The following PSD3 variants were observed in gnomAD, a reference collection of about 807,000 sequenced individuals.
The protein encoded by PSD3 is pleckstrin and Sec7 domain containing 3, also known as PH and SEC7 domain-containing protein 3.
In PSD3, 49 loss-of-function variants were observed where a neutral mutation model predicts 105.5. That is an observed-to-expected ratio of 0.46 (90% confidence interval 0.37 to 0.59). The LOEUF (loss-of-function observed/expected upper bound fraction) is 0.59. Ranked by LOEUF, PSD3 falls within the 20% of genes least tolerant of loss-of-function variation. The probability of loss-of-function intolerance (pLI) is 0.00; values close to 1 mark genes in which losing one functional copy is unlikely to be tolerated. For missense variants in PSD3, 1,561 were observed against 1,263.8 expected (o/e 1.24, Z -3.57); for synonymous variants, 557 against 457.8 (o/e 1.22, Z -2.77).
chr8:19,031,626 G>C (rs533471550), intron 1 of PSD3, among the ~76,000 whole-genome samples: 3 of 152,060 alleles, frequency 2.0e-5, no homozygotes, highest in Non-Finnish European at 2.9e-5. Context: ...GGACTAAAAG[G>C]CTCTCTAATA....
chr8:18,835,021 G>A (rs1263588799), intron 4 of PSD3, among the ~76,000 whole-genome samples: 1 of 152,182 alleles, frequency 6.6e-6, no homozygotes, highest in South Asian at 2.1e-4. Flanking sequence ...TATTCAGATA[G>A]CTTTTTCAGC....
chr8:18,964,763 T>C (rs943374438), intron 1 of PSD3, among the ~76,000 whole-genome samples: 5 of 152,306 alleles, frequency 3.3e-5, no homozygotes, highest in East Asian at 3.9e-4. Context: ...GCCTCCTTTT[T>C]ACATCCAAGC....
In PSD3 at chr8:18,556,241, A is replaced by G. The variant is rs1801065560; in HGVS notation, c.2896T>C (p.Tyr966His). The change falls in exon 15 of 16, where the codon TAC becomes CAC. Residue 966 changes from tyrosine (Y) to histidine (H), a missense_variant. Coordinates refer to ENST00000327040, the MANE Select transcript of PSD3 (RefSeq NM_015310.4). The part of the protein sequence containing the change: ...KKVKAKDVDE[Y>H]KLKDHYLEFE... ...TCCAGATAGTGGTCTTTCAGTTTGT[A>G]CTCATCGACGTCCTTGGCTTTGACC... 6.2e-7 allele frequency: 1 copy of G among 1,614,048 alleles called. No homozygotes were observed. Among genetic ancestry groups the G allele is most frequent in the East Asian group, 2.2e-5 (1 of 44,878 alleles).
At chr8:18,651,204 G>C (rs1360219896) in intron 10 of PSD3, among the ~76,000 whole-genome samples, 1 of 152,174 alleles carries the variant, frequency 6.6e-6, no homozygotes, top group Non-Finnish European at 1.5e-5. Flanking sequence ...CACACTCCCA[G>C]GTAAGGCCCC....
At chr8:18,642,310 G>C (rs994652304) in intron 10 of PSD3, among the ~76,000 whole-genome samples, 2 of 151,988 alleles carry the variant, frequency 1.3e-5, no homozygotes, top group African/African-American at 4.8e-5. Flanking sequence ...TTCTTGATCT[G>C]GCTAAATTTT....
chr8:18,790,826 G>C (rs1334552418), intron 8 of PSD3, among the ~76,000 whole-genome samples: 1 of 151,016 alleles, frequency 6.6e-6, no homozygotes, highest in Non-Finnish European at 1.5e-5. Flanking sequence ...CTCCAAGTCA[G>C]GTAAAAACAT....
intron 12 of PSD3, among the ~76,000 whole-genome samples, chr8:18,596,212 T>C (rs906249956): frequency 6.7e-6 from 1 of 150,306 alleles, no homozygotes; most frequent in African/African-American, 2.4e-5. Flanking sequence ...CCAACAAAAA[T>C]GGACAAACAA....
At chr8:18,741,035 A>G (rs959116506) in intron 9 of PSD3, among the ~76,000 whole-genome samples, 1 of 152,236 alleles carries the variant, frequency 6.6e-6, no homozygotes, top group Non-Finnish European at 1.5e-5. Flanking sequence ...GAAAGGAAAT[A>G]TCTAAAGATT....
intron 8 of PSD3, among the ~76,000 whole-genome samples, chr8:18,783,388 G>A (rs1808827148): frequency 6.6e-6 from 1 of 152,014 alleles, no homozygotes; most frequent in South Asian, 2.1e-4. Context: ...GTCAGTTGTT[G>A]ATCTTTTCAA....
intron 1 of PSD3, among the ~76,000 whole-genome samples, chr8:18,949,317 TCAAA>T (rs1176448171): frequency 4.6e-5 from 6 of 130,890 alleles, no homozygotes; most frequent in South Asian, 2.6e-4. Flanking sequence ...AAACCAGTGA[TCAAA>T]CAAATTAAAT....
At chr8:18,744,371 T>G (rs537999548) in intron 9 of PSD3, among the ~76,000 whole-genome samples, 2 of 152,200 alleles carry the variant, frequency 1.3e-5, no homozygotes, top group African/African-American at 4.8e-5. Context: ...AAAGAAGCTA[T>G]ACTCTTAACC....
intron 9 of PSD3, among the ~76,000 whole-genome samples, chr8:18,764,070 C>T (rs763614069): frequency 6.6e-6 from 1 of 152,180 alleles, no homozygotes; most frequent in Non-Finnish European, 1.5e-5. Context: ...CTCCGCCAAA[C>T]ATGCTCTAAA....
intron 11 of PSD3, among the ~76,000 whole-genome samples, chr8:18,612,430 C>T (rs906763496): frequency 2.0e-5 from 3 of 151,670 alleles, no homozygotes; most frequent in African/African-American, 2.4e-5. Context: ...TGGAGAGCAG[C>T]GGCGTGATCT....
rs1199904233 is a variant in PSD3 at position 18,707,072 on chromosome 8, T to C, written c.2173-51387A>G. Among the ~76,000 whole-genome samples the C allele has an allele frequency of 2.0e-5, 3 of 152,310 alleles. No homozygotes were observed. The South Asian group carries it at 6.2e-4, about 32-fold the overall frequency. On this transcript the variant is annotated intron_variant, in intron 9 of 15. Transcript: ENST00000327040. Reference sequence around the variant, plus strand: ...TCTCATTTGCAATTCCATGTTCCTATTACGCTTATTCCCATTCAGCTGCCA... The same window carrying C: ...TCTCATTTGCAATTCCATGTTCCTACTACGCTTATTCCCATTCAGCTGCCA...
At chr8:18,842,292 A>G (rs1814690759) in intron 4 of PSD3, among the ~76,000 whole-genome samples, 1 of 152,258 alleles carries the variant, frequency 6.6e-6, no homozygotes, top group East Asian at 1.9e-4. Context: ...TCCAAAGTCT[A>G]CATGGCATTT....
At chr8:18,825,623 G>A (rs1309338126) in intron 4 of PSD3, among the ~76,000 whole-genome samples, 2 of 152,192 alleles carry the variant, frequency 1.3e-5, no homozygotes, top group Admixed American at 6.5e-5. Flanking sequence ...TCCAGTCCCA[G>A]CTCAAAGGAG....
chr8:18,823,773 AACACACTCACACACACACACACAC>A (rs1812942536), intron 4 of PSD3, among the ~76,000 whole-genome samples: 1 of 134,810 alleles, frequency 7.4e-6, no homozygotes, highest in South Asian at 2.4e-4. Context: ...CTTTATCTTA[AACACACTCACACACACACACACAC>A]ACACACACAC....
intron 9 of PSD3, among the ~76,000 whole-genome samples, chr8:18,743,224 TACAAGGG>T (rs1673227159): frequency 6.6e-6 from 1 of 152,102 alleles, no homozygotes; most frequent in African/African-American, 2.4e-5. Context: ...TATTAATATG[TACAAGGG>T]ACAATCACAG....
chr8:18,977,706 A>G (rs899910021), intron 1 of PSD3, among the ~76,000 whole-genome samples: 5 of 152,220 alleles, frequency 3.3e-5, no homozygotes, highest in Admixed American at 3.3e-4. Flanking sequence ...ATTTAATGTT[A>G]TGTAAATAAG....
Sources: allele counts gnomAD v4.1 joint callset (sites outside exome capture counted in the v4.1 genomes callset), GRCh38; gene constraint gnomAD v4.1.1; transcripts MANE v1.5; gene names NCBI Gene and HGNC (gene_info 2026-07-23, HGNC 2026-07-21).